ERC2: variants seen among roughly 807,000 people sequenced by gnomAD.
The protein encoded by ERC2 is ERC protein 2.
A neutral mutation model predicts 114.8 loss-of-function variants in ERC2; 42 were observed. That is an observed-to-expected ratio of 0.37 (90% CI 0.29 to 0.47). ERC2 has a LOEUF of 0.47. Among genes scored for constraint, ERC2 ranks in the 20% least tolerant of loss-of-function variants. The pLI, the probability that ERC2 is intolerant of heterozygous loss-of-function variation, is 0.99. For missense variants in ERC2, 939 were observed against 1,150.7 expected, an observed-to-expected ratio of 0.82 and a Z score of 2.66; for synonymous variants, 454 against 425.5, an observed-to-expected ratio of 1.07 and a Z score of -0.82.
intron 7 of ERC2, among the ~76,000 whole-genome samples, chr3:56,060,811 C>T (rs542451092): frequency 6.6e-6 from 1 of 152,242 alleles, no homozygotes; most frequent in East Asian, 1.9e-4. Flanking sequence ...TGAGGGTCTC[C>T]CCCTCTTCTG....
chr3:56,423,763 C>T (rs186412112), intron 2 of ERC2, among the ~76,000 whole-genome samples: 1 of 152,340 alleles, frequency 6.6e-6, no homozygotes, highest in East Asian at 1.9e-4. Context: ...CTCCCACGCT[C>T]TACCTAAAAA....
chr3:55,830,159 C>A (rs1353821115), intron 14 of ERC2, among the ~76,000 whole-genome samples: 1 of 152,146 alleles, frequency 6.6e-6, no homozygotes, highest in Non-Finnish European at 1.5e-5. Flanking sequence ...TCAGAAATCA[C>A]TGAAGACAGA....
At position 55,610,080 on chromosome 3, in the gene ERC2, A is replaced by AC. The variant is rs1254270840; in HGVS notation, c.*39+73713_*39+73714insG. Among the ~76,000 whole-genome samples the AC allele has an allele frequency of 8.5e-4, 129 of 151,942 alleles. 6 individuals are homozygous for AC. In the South Asian group the frequency reaches 0.026, roughly 31 times the overall value. Reference sequence around the variant, plus strand: ...AAACACAAACAAAAAAAAAAAAAAAAAAAACAAGAATTCCTCTAATTTAAG... The same window carrying AC: ...AAACACAAACAAAAAAAAAAAAAAAACAAAACAAGAATTCCTCTAATTTAAG... On this transcript the variant is annotated intron_variant, in intron 17 of 17. Coordinates refer to ENST00000288221, the MANE Select transcript of ERC2 (RefSeq NM_015576.3).
intron 17 of ERC2, chr3:55,658,207 A>T (rs990500165): frequency 1.3e-5 from 2 of 152,100 alleles, no homozygotes; most frequent in Admixed American, 1.3e-4. Context: ...ATTCTTGTCT[A>T]CTTTCCTTTT....
chr3:56,195,755 G>A (rs1435069202), intron 3 of ERC2, among the ~76,000 whole-genome samples: 3 of 151,984 alleles, frequency 2.0e-5, no homozygotes, highest in Non-Finnish European at 4.4e-5. Flanking sequence ...TGAGCCCGAG[G>A]GGTCAAGGCT....
intron 2 of ERC2, among the ~76,000 whole-genome samples, chr3:56,404,695 A>G: frequency 6.6e-6 from 1 of 150,882 alleles, no homozygotes; most frequent in Non-Finnish European, 1.5e-5. Flanking sequence ...ATATACACCT[A>G]CTATGTACCC....
chr3:56,400,007 G>A (rs2060462439), intron 2 of ERC2, among the ~76,000 whole-genome samples: 1 of 150,438 alleles, frequency 6.6e-6, no homozygotes, highest in Non-Finnish European at 1.5e-5. Flanking sequence ...TTTGAATTCT[G>A]ATTTAAGCAA....
intron 16 of ERC2, 134 bp from the exon 17 acceptor site, chr3:55,683,993 G>T (rs903064412): frequency 1.1e-6 from 1 of 948,960 alleles, no homozygotes; most frequent in Non-Finnish European, 1.5e-6. Context: ...CTTCAAGACT[G>T]AAGAAAAAAA....
chr3:55,890,511 C>G (rs565572966), intron 13 of ERC2, among the ~76,000 whole-genome samples: 3 of 152,218 alleles, frequency 2.0e-5, no homozygotes, highest in Admixed American at 2.0e-4. Context: ...CAGAGCTACT[C>G]AGCTGGGTTT....
At chr3:55,765,600 G>A (rs1222354464) in intron 14 of ERC2, among the ~76,000 whole-genome samples, 3 of 152,216 alleles carry the variant, frequency 2.0e-5, no homozygotes, top group East Asian at 3.9e-4. Context: ...CCTCAACAGA[G>A]GGAACATGCT....
intron 1 of ERC2, among the ~76,000 whole-genome samples, chr3:56,456,062 G>A (rs914192537): frequency 5.9e-5 from 9 of 152,190 alleles, no homozygotes; most frequent in Non-Finnish European, 1.0e-4. Flanking sequence ...TAAATTTTAT[G>A]CGTATCCCTT....
rs146737087 is a variant in ERC2 at position 55,846,585 on chromosome 3, A to T, written c.2564+41804T>A. ...GAGGAGTTGCCATACTGCTTTCCAC[A>T]ATGATTGAACTAATTTATACTCCCA... On this transcript the variant is annotated intron_variant, in intron 14 of 17. Coordinates refer to ENST00000288221, the MANE Select transcript of ERC2 (RefSeq NM_015576.3). Among the ~76,000 whole-genome samples, 354 of 152,156 alleles carry T rather than the reference A, an allele frequency of 2.3e-3. 3 individuals carry two copies. Among genetic ancestry groups the T allele is most frequent in the African/African-American group, 8.1e-3 (338 of 41,498 alleles).
chr3:56,281,509 G>A (rs2054347271), intron 3 of ERC2, among the ~76,000 whole-genome samples: 1 of 150,776 alleles, frequency 6.6e-6, no homozygotes, highest in Non-Finnish European at 1.5e-5. Context: ...ATTATGACAG[G>A]ATATATATCA....
chr3:56,317,633 C>G (rs1253845130), intron 2 of ERC2, among the ~76,000 whole-genome samples: 1 of 152,112 alleles, frequency 6.6e-6, no homozygotes, highest in Admixed American at 6.5e-5. Context: ...TTTCAATCGT[C>G]CACTCAAAAA....
chr3:56,083,181 T>A (rs2077328017), intron 6 of ERC2, among the ~76,000 whole-genome samples: 2 of 152,108 alleles, frequency 1.3e-5, no homozygotes, highest in Non-Finnish European at 2.9e-5. Flanking sequence ...AATGGATAAA[T>A]AAAATGGTGG....
chr3:56,188,250 A>T (rs1156591232), intron 3 of ERC2, among the ~76,000 whole-genome samples: 1 of 152,174 alleles, frequency 6.6e-6, no homozygotes, highest in Non-Finnish European at 1.5e-5. Context: ...AGTTGCCCTC[A>T]GGAGCCACCC....
chr3:55,855,033 C>T (rs2061732099), intron 14 of ERC2, among the ~76,000 whole-genome samples: 1 of 152,128 alleles, frequency 6.6e-6, no homozygotes, highest in Non-Finnish European at 1.5e-5. Context: ...CATGGCAGCC[C>T]AGTAACTTGA....
chr3:55,803,506 A>AT (rs11401011), intron 14 of ERC2, among the ~76,000 whole-genome samples: 3,427 of 152,042 alleles, frequency 0.023, 144 homozygotes, highest in African/African-American at 0.078. Flanking sequence ...CAACTGATGA[A>AT]TATTTACTAT....
In ERC2 at chr3:56,334,668, T is replaced by C. The variant is rs561344084; in HGVS notation, c.658-38233A>G. 2.0e-4 allele frequency among the ~76,000 whole-genome samples: 30 copies of C among 152,256 alleles called. 1 individual carries two copies. In the South Asian group the frequency reaches 5.2e-3, roughly 26 times the overall value. On this transcript the variant is annotated intron_variant, in intron 2 of 17. Transcript: ENST00000288221. ...AGACCATGCCTGATAAACTTACTTA[T>C]CAGAAGAGCAGAAAACATTTAAAAC...
Sources: allele counts gnomAD v4.1 joint callset (sites outside exome capture counted in the v4.1 genomes callset), GRCh38; gene constraint gnomAD v4.1.1; transcripts MANE v1.5; gene names NCBI Gene and HGNC (gene_info 2026-07-23, HGNC 2026-07-21).